Variants in KDM2B observed in about 807,000 individuals in gnomAD.
KDM2B encodes the protein lysine demethylase 2B.
In KDM2B, 26 loss-of-function variants were observed where a neutral mutation model predicts 150.0. The observed-to-expected ratio is 0.17, with a 90% CI of 0.13 to 0.24. The LOEUF is 0.24. Ranked by LOEUF, KDM2B falls within the 10% of genes least tolerant of loss-of-function variation. KDM2B has a pLI of 1.00. For missense variants in KDM2B, 1,265 were observed against 1,816.9 expected (o/e 0.70, Z 5.52); for synonymous variants, 734 against 729.5 (o/e 1.01, Z -0.10).
intron 13 of KDM2B, among the ~76,000 whole-genome samples, chr12:121,451,100 G>A (rs1012829568): frequency 3.3e-5 from 5 of 151,788 alleles, no homozygotes; most frequent in Admixed American, 2.6e-4. Context: ...GTGTGCCTGC[G>A]TCTCCTGCCC....
intron 12 of KDM2B, among the ~76,000 whole-genome samples, chr12:121,472,263 C>A (rs1880850732): frequency 6.6e-6 from 1 of 152,196 alleles, no homozygotes; most frequent in South Asian, 2.1e-4. Context: ...AGACTTGCCC[C>A]CCTTAACGGC....
rs368120753 is a variant in KDM2B, at chr12:121,453,284, C to T, written c.1795G>A (p.Ala599Thr). 17 of 1,605,396 alleles carry T rather than the reference C, an allele frequency of 1.1e-5. No homozygotes were observed. Among genetic ancestry groups the T allele is most frequent in the Admixed American group, 3.4e-5 (2 of 59,370 alleles). Residue 599 changes from alanine (A) to threonine (T), a missense_variant, in exon 13 of 23, where the codon GCC becomes ACC. Transcript: ENST00000377071. This position sits in a 1 kb window ranked among gnomAD's most constrained non-coding sequence, Gnocchi z 6.4. Reference sequence around the variant, plus strand: ...CGAGCTCCTGCCGTTGTCCGGTTGGCGGCCAACTTCACCGCGGAGGCCGGG... The same window carrying T: ...CGAGCTCCTGCCGTTGTCCGGTTGGTGGCCAACTTCACCGCGGAGGCCGGG... ...LGPASAVKLA[A>T]NRTTAGARRR...
chr12:121,576,243 G>A (rs1354603251), intron 2 of KDM2B, among the ~76,000 whole-genome samples: 4 of 152,162 alleles, frequency 2.6e-5, no homozygotes, highest in African/African-American at 9.7e-5. Flanking sequence ...AGCCGCGCTC[G>A]GAAAGTAAAG....
rs1555303418 is a variant in KDM2B at position 121,509,121 on chromosome 12, C to CAT, written c.1647+445_1647+446insAT. Among the ~76,000 whole-genome samples, 502 of 152,138 alleles carry CAT rather than the reference C, an allele frequency of 3.3e-3. 2 individuals are homozygous for CAT. Among genetic ancestry groups the CAT allele is most frequent in the Non-Finnish European group, 5.7e-3 (390 of 67,974 alleles). On this transcript the variant is annotated intron_variant, in intron 11 of 22. Coordinates refer to ENST00000377071, the MANE Select transcript of KDM2B (RefSeq NM_032590.5). ...TTGCCCAGGCTGGAGTGCAGTGGTG[C>CAT]GATCTCAGCTCACTGCAACCTCCAC...
chr12:121,426,943 T>G (rs2137279063), downstream of KDM2B, among the ~76,000 whole-genome samples: 1 of 152,198 alleles, frequency 6.6e-6, no homozygotes, highest in South Asian at 2.1e-4. Flanking sequence ...TTTAAGTAAA[T>G]TTTTTAAATA....
chr12:121,565,850 C>T (rs889522994), intron 4 of KDM2B, among the ~76,000 whole-genome samples: 6 of 152,096 alleles, frequency 3.9e-5, no homozygotes, highest in Non-Finnish European at 5.9e-5. Context: ...TGGTCTCGAA[C>T]TCCTGACCTG....
intron 1 of KDM2B, chr12:121,580,215 C>G: frequency 1.4e-6 from 2 of 1,428,970 alleles, no homozygotes; most frequent in Non-Finnish European, 1.8e-6. Flanking sequence ...TAGGCAGATC[C>G]GTTTGCAAAG....
At chr12:121,577,929 C>A (rs1891618702) in intron 2 of KDM2B, among the ~76,000 whole-genome samples, 1 of 152,154 alleles carries the variant, frequency 6.6e-6, no homozygotes, top group Admixed American at 6.5e-5. Context: ...ACCCCCACCA[C>A]CCTCCTAGTA....
At chr12:121,420,411 T>A in the KDM2B span, 12 of 1,553,428 alleles carry the variant, frequency 7.7e-6, no homozygotes, top group Non-Finnish European at 1.0e-5. Context: ...GGACATTCGC[T>A]AGATTAGTAC....
Position 121,489,196 on chromosome 12 carries a change from C to T in KDM2B, c.1734+5383G>A, listed in dbSNP as rs768029309. ...CTGACCTGAAGTGATGTGCCCAACTCGGCCTCCCAAAGGGCTGGGATTACA... is the reference window on the plus strand; with the variant it reads ...CTGACCTGAAGTGATGTGCCCAACTTGGCCTCCCAAAGGGCTGGGATTACA... On this transcript the variant is annotated intron_variant, in intron 12 of 22. Coordinates refer to ENST00000377071, the MANE Select transcript of KDM2B (RefSeq NM_032590.5). Among the ~76,000 whole-genome samples, 21 of 152,124 alleles carry T rather than the reference C, an allele frequency of 1.4e-4. 1 individual carries two copies. The highest frequency in any genetic ancestry group is 7.9e-4 in the Admixed American group (12 of 15,260).
intron 11 of KDM2B, among the ~76,000 whole-genome samples, chr12:121,507,827 G>A (rs1341845671): frequency 6.6e-6 from 1 of 151,934 alleles, no homozygotes. Context: ...CCTGGGCAAT[G>A]TGGTGAGACC....
chr12:121,483,622 A>G (rs972355241), intron 12 of KDM2B, among the ~76,000 whole-genome samples: 1 of 151,946 alleles, frequency 6.6e-6, no homozygotes, highest in African/African-American at 2.4e-5. Flanking sequence ...GGTTGCCATG[A>G]GCCGAGATTG....
At chr12:121,527,109 G>A (rs975686854) in intron 8 of KDM2B, among the ~76,000 whole-genome samples, 6 of 151,598 alleles carry the variant, frequency 4.0e-5, no homozygotes, top group African/African-American at 1.4e-4. Flanking sequence ...GTGCAGTGAC[G>A]TGATCTCTGC....
Position 121,440,949 on chromosome 12 carries a change from G to A in KDM2B, c.3477C>T (p.Cys1159=). The A allele has an allele frequency of 6.2e-7, 1 of 1,614,092 alleles. No homozygotes were observed. The highest frequency in any genetic ancestry group is 8.5e-7 in the Non-Finnish European group (1 of 1,180,010). Residue 1159 remains cysteine (C), a synonymous_variant, in exon 21 of 23, where the codon TGC becomes TGT. Transcript: ENST00000377071. ...AAAGGGCCGAGACCGCGATCCATGA[G>A]CAGCCTGACAGCACCAAGTCCCGGA... ...PGLRDLVLSG[C]SWIAVSALCS...
At chr12:121,450,322 AAAAG>A (rs1257715140) in intron 13 of KDM2B, among the ~76,000 whole-genome samples, 6 of 152,022 alleles carry the variant, frequency 3.9e-5, no homozygotes, top group South Asian at 2.1e-4. Context: ...TCAAAAAAAA[AAAAG>A]AAAGAAAAAA....
At chr12:121,570,408 A>G (rs1343300407) in intron 4 of KDM2B, among the ~76,000 whole-genome samples, 1 of 151,592 alleles carries the variant, frequency 6.6e-6, no homozygotes, top group Non-Finnish European at 1.5e-5. Context: ...CTGGTCTTGA[A>G]CTCCTGGCCT....
chr12:121,576,497 G>C (rs1035082243), intron 2 of KDM2B, among the ~76,000 whole-genome samples: 1 of 152,168 alleles, frequency 6.6e-6, no homozygotes. Context: ...CACAGTCCTT[G>C]CTTCAGCTGG....
intron 12 of KDM2B, among the ~76,000 whole-genome samples, chr12:121,491,011 T>C (rs188301841): frequency 1.3e-5 from 2 of 152,240 alleles, no homozygotes; most frequent in East Asian, 3.9e-4. Flanking sequence ...AGCTGCAACC[T>C]GGGAACCCAG....
chr12:121,518,091 C>A lies in KDM2B; in HGVS notation c.1047+2894G>T, dbSNP rs1462407048. ...TATTTTTAGTAGAGACAGGGTTTCACCATGTTGGTCAGGCTGGTCTCGAAC... is the reference window on the plus strand; with the variant it reads ...TATTTTTAGTAGAGACAGGGTTTCAACATGTTGGTCAGGCTGGTCTCGAAC... On this transcript the variant is annotated intron_variant, in intron 9 of 22. Transcript: ENST00000377071. The surrounding 1 kb of genome is among the most constrained non-coding windows in gnomAD (Gnocchi z 4.4). Among the ~76,000 whole-genome samples the A allele has an allele frequency of 6.6e-6, 1 of 151,834 alleles. No individual in the cohort carries two copies. The highest frequency in any genetic ancestry group is 1.5e-5 in the Non-Finnish European group (1 of 67,982).
Sources: allele counts gnomAD v4.1 joint callset (sites outside exome capture counted in the v4.1 genomes callset), GRCh38; gene constraint gnomAD v4.1.1; non-coding constraint Gnocchi (gnomAD v3.1); transcripts MANE v1.5; gene names NCBI Gene and HGNC (gene_info 2026-07-23, HGNC 2026-07-21).